Variants in CNTNAP2 observed in about 807,000 individuals in gnomAD.
The protein encoded by CNTNAP2 is contactin associated protein 2.
A neutral mutation model predicts 155.2 loss-of-function variants in CNTNAP2; 98 were observed. The observed-to-expected ratio is 0.63, with a 90% CI of 0.54 to 0.75. The LOEUF is 0.75. Ranked by LOEUF, CNTNAP2 falls within the 30% of genes least tolerant of loss-of-function variation. CNTNAP2 has a pLI of 0.00. For synonymous variants in CNTNAP2, 651 were observed against 631.2 expected, an observed-to-expected ratio of 1.03 and a Z score of -0.47; for missense variants, 1,727 against 1,688.1, an observed-to-expected ratio of 1.02 and a Z score of -0.40.
chr7:146,247,123 G>T (rs1799673275), intron 1 of CNTNAP2, among the ~76,000 whole-genome samples: 1 of 152,080 alleles, frequency 6.6e-6, no homozygotes, highest in African/African-American at 2.4e-5. Flanking sequence ...GACCTTTCAG[G>T]GTCTAGGGCT....
chr7:146,419,266 C>G (rs1216867806), intron 1 of CNTNAP2, among the ~76,000 whole-genome samples: 1 of 152,036 alleles, frequency 6.6e-6, no homozygotes, highest in East Asian at 1.9e-4. Flanking sequence ...TATTAACTAC[C>G]ATGAGAACAG....
At chr7:148,042,964 C>T (rs1802706196) in intron 15 of CNTNAP2, among the ~76,000 whole-genome samples, 1 of 152,232 alleles carries the variant, frequency 6.6e-6, no homozygotes, top group Admixed American at 6.5e-5. Flanking sequence ...ATATGCCACA[C>T]AAATGTTCTG....
rs1800448364 is a variant in CNTNAP2, at chr7:147,928,978, G to T, written c.2255+25257G>T. The stretch of plus-strand genomic sequence containing the variant: ...GTGGTGGCACACACCTGTAATCCCA[G>T]CTACTCAGGAGGCTGAGGCAGGAGA... On this transcript the variant is annotated intron_variant, in intron 14 of 23. Coordinates refer to ENST00000361727, the MANE Select transcript of CNTNAP2 (RefSeq NM_014141.6). Among the ~76,000 whole-genome samples the T allele has an allele frequency of 2.7e-5, 4 of 149,886 alleles. No individual in the cohort carries two copies. The Admixed American group carries it at 2.7e-4, about 10-fold the overall frequency.
chr7:147,564,762 C>T (rs1800134846), intron 12 of CNTNAP2, among the ~76,000 whole-genome samples: 1 of 152,200 alleles, frequency 6.6e-6, no homozygotes, highest in Non-Finnish European at 1.5e-5. Flanking sequence ...CTCCCTTAAA[C>T]AGCATGGCTG....
chr7:148,375,056 T>G (rs919764581), intron 21 of CNTNAP2, among the ~76,000 whole-genome samples: 24 of 152,146 alleles, frequency 1.6e-4, no homozygotes, highest in Non-Finnish European at 3.1e-4. Context: ...CTTTCTATCT[T>G]ACATCTGACA....
At chr7:148,280,331 G>A (rs2116459967) in intron 21 of CNTNAP2, among the ~76,000 whole-genome samples, 1 of 152,206 alleles carries the variant, frequency 6.6e-6, no homozygotes, top group Admixed American at 6.5e-5. Flanking sequence ...ATAAAAAAGA[G>A]AGATTCTTCT....
intron 1 of CNTNAP2, among the ~76,000 whole-genome samples, chr7:146,196,848 A>G (rs1798783872): frequency 6.6e-6 from 1 of 152,092 alleles, no homozygotes; most frequent in Non-Finnish European, 1.5e-5. Context: ...GAAATTTCCC[A>G]GTTTCTTTAC....
At chr7:146,767,081 T>A (rs954924143) in intron 1 of CNTNAP2, among the ~76,000 whole-genome samples, 1 of 152,212 alleles carries the variant, frequency 6.6e-6, no homozygotes, top group Non-Finnish European at 1.5e-5. Flanking sequence ...AAATTAGCAA[T>A]TGATGACAAA....
At chr7:146,460,582 A>G (rs1390836503) in intron 1 of CNTNAP2, among the ~76,000 whole-genome samples, 1 of 152,234 alleles carries the variant, frequency 6.6e-6, no homozygotes, top group African/African-American at 2.4e-5. Flanking sequence ...ATGTATATAT[A>G]CTACAACATA....
rs553630071 is a variant in CNTNAP2, at chr7:147,775,127, A to G, written c.2099-128438A>G. ...AGTTAAGGGTGATGGTCTTTTCACA[A>G]TATCTTATGGGGGTATTTAACTGAT... On this transcript the variant is annotated intron_variant, in intron 13 of 23. Coordinates refer to ENST00000361727, the MANE Select transcript of CNTNAP2 (RefSeq NM_014141.6). Among the ~76,000 whole-genome samples the G allele has an allele frequency of 1.3e-4, 20 of 148,994 alleles. No individual in the cohort carries two copies. The South Asian group carries it at 4.0e-3, about 30-fold the overall frequency.
intron 12 of CNTNAP2, among the ~76,000 whole-genome samples, chr7:147,602,106 C>T (rs1326330314): frequency 6.6e-6 from 1 of 151,786 alleles, no homozygotes; most frequent in African/African-American, 2.4e-5. Context: ...TGTTAGCAGC[C>T]ATGGATGACC....
At position 146,543,683 on chromosome 7, in the gene CNTNAP2, C is replaced by T. The variant is rs991204214; in HGVS notation, c.98-230588C>T. ...ATAGTTGTGAACAAATTCATTGTTT[C>T]CTAAACCCTCTTTACTGATATTCCT... is the stretch of plus-strand genomic sequence containing the variant. On this transcript the variant is annotated intron_variant, in intron 1 of 23. Transcript: ENST00000361727. 7.9e-5 allele frequency among the ~76,000 whole-genome samples: 12 copies of T among 152,008 alleles called. 1 individual carries two copies. The highest frequency in any genetic ancestry group is 2.9e-4 in the African/African-American group (12 of 41,508).
chr7:147,185,272 A>G (rs1031308575), intron 8 of CNTNAP2, among the ~76,000 whole-genome samples: 1 of 152,222 alleles, frequency 6.6e-6, no homozygotes, highest in African/African-American at 2.4e-5. Flanking sequence ...ATTGGTATAA[A>G]TATATTCATT....
At chr7:147,952,707 CAG>C (rs1186321354) in intron 14 of CNTNAP2, among the ~76,000 whole-genome samples, 2 of 152,106 alleles carry the variant, frequency 1.3e-5, no homozygotes, top group African/African-American at 4.8e-5. Flanking sequence ...CATACACACA[CAG>C]ACACGTCACA....
intron 1 of CNTNAP2, among the ~76,000 whole-genome samples, chr7:146,469,633 A>G (rs74352879): frequency 0.029 from 4,190 of 146,274 alleles, 190 homozygotes; most frequent in African/African-American, 0.098. Context: ...AATGATTATC[A>G]TGTCTTAGCC....
intron 1 of CNTNAP2, among the ~76,000 whole-genome samples, chr7:146,423,339 C>T (rs1361708574): frequency 6.6e-6 from 1 of 151,782 alleles, no homozygotes; most frequent in Admixed American, 6.6e-5. Flanking sequence ...ATTTATTTTT[C>T]TGAAAATGAA....
intron 15 of CNTNAP2, among the ~76,000 whole-genome samples, chr7:147,983,459 A>T (rs1324559004): frequency 1.3e-5 from 1 of 74,910 alleles, no homozygotes; most frequent in African/African-American, 3.9e-5. Flanking sequence ...ATAAAAATAA[A>T]TAAATAAAAA....
At chr7:146,458,690 AG>A (rs1157419059) in intron 1 of CNTNAP2, among the ~76,000 whole-genome samples, 1 of 152,084 alleles carries the variant, frequency 6.6e-6, no homozygotes, top group Non-Finnish European at 1.5e-5. Context: ...TGTTTCTGTG[AG>A]TGGTATTTGG....
intron 1 of CNTNAP2, among the ~76,000 whole-genome samples, chr7:146,379,907 G>T (rs1412154810): frequency 6.6e-6 from 1 of 152,222 alleles, no homozygotes; most frequent in Non-Finnish European, 1.5e-5. Flanking sequence ...TTCAAATTTA[G>T]CTAAGCATTT....
Sources: allele counts gnomAD v4.1 joint callset (sites outside exome capture counted in the v4.1 genomes callset), GRCh38; gene constraint gnomAD v4.1.1; transcripts MANE v1.5; gene names NCBI Gene and HGNC (gene_info 2026-07-23, HGNC 2026-07-21).